Variants in MAF observed in about 807,000 individuals in gnomAD.
MAF encodes MAF bZIP transcription factor.
A neutral mutation model predicts 22.0 loss-of-function variants in MAF; 10 were observed. The observed-to-expected ratio is 0.45, with a 90% CI of 0.28 to 0.77. The LOEUF is 0.77. Among genes scored for constraint, MAF ranks in the 30% least tolerant of loss-of-function variants. MAF has a pLI of 0.12. For synonymous variants in MAF, 337 were observed against 255.8 expected (o/e 1.32, Z -3.03); for missense variants, 544 against 548.4 (o/e 0.99, Z 0.08).
chr16:79,520,486 C>CGT, the MAF span, among the ~76,000 whole-genome samples: 444 of 151,182 alleles, frequency 2.9e-3, 4 homozygotes, highest in African/African-American at 0.01. Context: ...TGTGTGTGTG[C>CGT]GTGTGTGTGT....
chr16:79,209,776 C>A, the MAF span, among the ~76,000 whole-genome samples: 33 of 152,304 alleles, frequency 2.2e-4, no homozygotes, highest in Middle Eastern at 6.8e-3. Flanking sequence ...TCCCTTTTCC[C>A]CACATGGGAT....
chr16:79,457,788 A>G, the MAF span, among the ~76,000 whole-genome samples: 2 of 152,128 alleles, frequency 1.3e-5, no homozygotes, highest in Non-Finnish European at 2.9e-5. Flanking sequence ...AGGCACCCCA[A>G]GAAGGTCATG....
the MAF span, among the ~76,000 whole-genome samples, chr16:79,475,281 A>G: frequency 2.0e-5 from 3 of 151,532 alleles, no homozygotes; most frequent in Non-Finnish European, 4.4e-5. Flanking sequence ...GAAAAAATAT[A>G]TATATTATTA....
chr16:79,427,795 G>T, the MAF span, among the ~76,000 whole-genome samples: 3 of 152,114 alleles, frequency 2.0e-5, no homozygotes, highest in Admixed American at 6.5e-5. Flanking sequence ...CGTTGGTATA[G>T]CTGGCTTTCC....
the MAF span, among the ~76,000 whole-genome samples, chr16:79,471,892 T>A: frequency 6.6e-6 from 1 of 152,216 alleles, no homozygotes; most frequent in Non-Finnish European, 1.5e-5. Flanking sequence ...CCAGGTGATA[T>A]GAGTGACATC....
chr16:79,214,890 C>T, the MAF span, among the ~76,000 whole-genome samples: 1 of 150,086 alleles, frequency 6.7e-6, no homozygotes, highest in Non-Finnish European at 1.5e-5. Flanking sequence ...TTTGTATTTT[C>T]AGTCGAGATG....
intron 1 of MAF, among the ~76,000 whole-genome samples, chr16:79,588,401 T>C (rs1279868013): frequency 6.6e-6 from 1 of 152,210 alleles, no homozygotes; most frequent in East Asian, 1.9e-4. Flanking sequence ...TTTTATTTCA[T>C]AAAGTGGGAA....
At chr16:79,529,973 AAAT>A in the MAF span, among the ~76,000 whole-genome samples, 1 of 152,082 alleles carries the variant, frequency 6.6e-6, no homozygotes, top group African/African-American at 2.4e-5. Context: ...AAAAAAAAAA[AAAT>A]GTTATTTTAA....
chr16:79,572,565 A>G, the MAF span, among the ~76,000 whole-genome samples: 1 of 152,216 alleles, frequency 6.6e-6, no homozygotes, highest in Non-Finnish European at 1.5e-5. Context: ...TTCACATTTG[A>G]AAATGTTTTG....
chr16:79,522,388 C>A, the MAF span, among the ~76,000 whole-genome samples: 1 of 152,182 alleles, frequency 6.6e-6, no homozygotes, highest in East Asian at 1.9e-4. Context: ...CTTCCCCACG[C>A]CCCACCACCC....
the MAF span, among the ~76,000 whole-genome samples, chr16:79,218,469 A>AG: frequency 6.6e-6 from 1 of 152,200 alleles, no homozygotes; most frequent in South Asian, 2.1e-4. Context: ...GTAGAACTGG[A>AG]GTTCCTTGAT....
chr16:79,315,440 T>A, the MAF span, among the ~76,000 whole-genome samples: 1 of 152,224 alleles, frequency 6.6e-6, no homozygotes, highest in Non-Finnish European at 1.5e-5. Flanking sequence ...ATTATAGATA[T>A]ATTTATACTC....
At chr16:79,540,374 GA>G in the MAF span, among the ~76,000 whole-genome samples, 1 of 152,094 alleles carries the variant, frequency 6.6e-6, no homozygotes, top group Non-Finnish European at 1.5e-5. Flanking sequence ...GCTCCCAGAA[GA>G]ACCATGAGAA....
the MAF span, among the ~76,000 whole-genome samples, chr16:79,414,150 G>C: frequency 6.6e-6 from 1 of 152,158 alleles, no homozygotes; most frequent in Non-Finnish European, 1.5e-5. Flanking sequence ...CTGAGCTCTT[G>C]TTCTTTGCCA....
the MAF span, chr16:79,211,661 T>C: frequency 3.1e-6 from 5 of 1,613,618 alleles, no homozygotes; most frequent in East Asian, 6.7e-5. Context: ...AACTGGAGGG[T>C]CTGGGAGGGA....
At chr16:79,405,100 G>T in the MAF span, among the ~76,000 whole-genome samples, 1 of 152,106 alleles carries the variant, frequency 6.6e-6, no homozygotes, top group Non-Finnish European at 1.5e-5. Context: ...CAATGATCTC[G>T]AATACTCCCA....
At chr16:79,378,730 T>C in the MAF span, among the ~76,000 whole-genome samples, 1 of 152,238 alleles carries the variant, frequency 6.6e-6, no homozygotes, top group African/African-American at 2.4e-5. Flanking sequence ...TTTCAGTTCC[T>C]GCATAATAGT....
the MAF span, among the ~76,000 whole-genome samples, chr16:79,432,955 T>C: frequency 6.6e-6 from 1 of 152,156 alleles, no homozygotes; most frequent in African/African-American, 2.4e-5. Context: ...AAATTTCTAT[T>C]GTATAAGCTA....
the MAF span, among the ~76,000 whole-genome samples, chr16:79,332,386 C>T: frequency 2.6e-5 from 4 of 152,138 alleles, no homozygotes; most frequent in Admixed American, 6.5e-5. Context: ...CCGCAAACTC[C>T]ACCTCCTGGG....
Sources: gnomAD v4.1 joint callset for allele counts (sites outside exome capture counted in the v4.1 genomes callset) on GRCh38, gnomAD v4.1.1 for gene constraint, MANE v1.5 for transcripts, NCBI Gene and HGNC (gene_info 2026-07-23, HGNC 2026-07-21) for gene names.